MAN1A1: variants seen among roughly 807,000 people sequenced by gnomAD.
MAN1A1 encodes the protein mannosidase alpha class 1A member 1, also known as mannosyl-oligosaccharide 1,2-alpha-mannosidase IA.
In MAN1A1, 29 loss-of-function variants were observed where a neutral mutation model predicts 70.8. That is an observed-to-expected ratio of 0.41 (90% confidence interval 0.31 to 0.56). MAN1A1 has a LOEUF of 0.56. MAN1A1 is among the 20% of genes least tolerant of loss of function. The pLI, the probability that MAN1A1 is intolerant of heterozygous loss-of-function variation, is 0.29. For missense variants in MAN1A1, 747 were observed against 841.3 expected (o/e 0.89, Z 1.39); for synonymous variants, 349 against 330.1 (o/e 1.06, Z -0.62).
chr6:119,273,974 G>C (rs1410717899), intron 5 of MAN1A1, among the ~76,000 whole-genome samples: 2 of 152,148 alleles, frequency 1.3e-5, no homozygotes, highest in Non-Finnish European at 2.9e-5. Context: ...ATGAGATTGA[G>C]AACATCTGTT....
intron 2 of MAN1A1, among the ~76,000 whole-genome samples, chr6:119,309,253 A>T (rs1361713158): frequency 6.6e-6 from 1 of 152,220 alleles, no homozygotes; most frequent in Non-Finnish European, 1.5e-5. Flanking sequence ...ACATTGTGTG[A>T]GTGTGTGTGT....
chr6:119,293,534 ACAC>A (rs1250029830), intron 4 of MAN1A1, among the ~76,000 whole-genome samples: 5 of 152,044 alleles, frequency 3.3e-5, no homozygotes, highest in African/African-American at 1.2e-4. Context: ...CTGGAACATC[ACAC>A]CACCACCATC....
intron 6 of MAN1A1, among the ~76,000 whole-genome samples, chr6:119,232,964 T>C (rs1330499865): frequency 1.3e-5 from 2 of 152,196 alleles, no homozygotes; most frequent in Non-Finnish European, 2.9e-5. Flanking sequence ...AGGATTATTC[T>C]ATATAGTGCT....
chr6:119,208,885 A>G (rs187550565), intron 6 of MAN1A1, among the ~76,000 whole-genome samples: 2 of 152,230 alleles, frequency 1.3e-5, no homozygotes, highest in Admixed American at 1.3e-4. Flanking sequence ...ACTTGGGTTC[A>G]GGAGTTCGAG....
chr6:119,344,042 C>T (rs1394421640), intron 2 of MAN1A1, among the ~76,000 whole-genome samples: 3 of 152,316 alleles, frequency 2.0e-5, no homozygotes, highest in South Asian at 4.1e-4. Flanking sequence ...GTAAGTTCTT[C>T]AATGAATTCC....
intron 6 of MAN1A1, among the ~76,000 whole-genome samples, chr6:119,229,005 G>A (rs1774598845): frequency 6.6e-6 from 1 of 151,930 alleles, no homozygotes; most frequent in Non-Finnish European, 1.5e-5. Context: ...TTTCTGCAGT[G>A]GGTACTTTTT....
chr6:119,193,319 A>C (rs1203917479), intron 9 of MAN1A1, among the ~76,000 whole-genome samples: 2 of 152,122 alleles, frequency 1.3e-5, no homozygotes, highest in African/African-American at 4.8e-5. Context: ...CTGAAATATG[A>C]GTTTGTTCAG....
chr6:119,335,128 G>C (rs1169796192), intron 2 of MAN1A1, among the ~76,000 whole-genome samples: 3 of 152,186 alleles, frequency 2.0e-5, no homozygotes, highest in Admixed American at 6.5e-5. Flanking sequence ...AAAAGGGGAG[G>C]CAACAATAGA....
intron 5 of MAN1A1, among the ~76,000 whole-genome samples, chr6:119,264,714 A>G (rs1775701189): frequency 6.6e-6 from 1 of 152,232 alleles, no homozygotes; most frequent in Non-Finnish European, 1.5e-5. Flanking sequence ...TTTACACCAC[A>G]TTGAGAATCT....
At chr6:119,322,460 T>C (rs966503586) in intron 2 of MAN1A1, among the ~76,000 whole-genome samples, 2 of 152,134 alleles carry the variant, frequency 1.3e-5, no homozygotes, top group Non-Finnish European at 2.9e-5. Flanking sequence ...TGTAAAGGAA[T>C]TGTCTTCCTA....
In MAN1A1 at chr6:119,349,752, C is replaced by G. The variant is rs557015004; in HGVS notation, c.-433G>C. On this transcript the variant is annotated 5_prime_UTR_variant, in exon 1 of 13. Transcript: ENST00000368468. ...AGCACGGTACACTCCGCCGCGGCCC[C>G]GCGAGCACTAATCTCACTGCCGGTC... is the stretch of plus-strand genomic sequence containing the variant. 1.1e-5 allele frequency: 11 copies of G among 985,526 alleles called. No individual in the cohort carries two copies. Among genetic ancestry groups the G allele is most frequent in the Middle Eastern group, 5.2e-4 (1 of 1,912 alleles). 61.0% of individuals were successfully genotyped at this position (985,526 alleles called of 1,614,324 possible).
rs752318519 is a variant in MAN1A1, at chr6:119,348,755, C to A, written c.311G>T (p.Arg104Leu). The A allele has an allele frequency of 6.5e-7, 1 of 1,548,876 alleles. No homozygotes were observed. The highest frequency in any genetic ancestry group is 1.9e-5 in the Admixed American group (1 of 51,546). ...AEDAAEGRAR[R>L]REEGAPGDPE... Reference sequence around the variant, plus strand: ...GTCCCCGGGTGCCCCCTCCTCGCGGCGCCGGGCTCGCCCCTCGGCCGCGTC... The same window carrying A: ...GTCCCCGGGTGCCCCCTCCTCGCGGAGCCGGGCTCGCCCCTCGGCCGCGTC... Residue 104 changes from arginine (R) to leucine (L), a missense_variant, in exon 2 of 13, where the codon CGC becomes CTC. By Grantham distance (102) the Arg-to-Leu change is moderately radical. Coordinates refer to ENST00000368468, the MANE Select transcript of MAN1A1 (RefSeq NM_005907.4).
intron 6 of MAN1A1, among the ~76,000 whole-genome samples, chr6:119,232,132 G>T (rs1774694977): frequency 6.6e-6 from 1 of 152,072 alleles, no homozygotes; most frequent in Non-Finnish European, 1.5e-5. Flanking sequence ...CAGCACTTTG[G>T]GAGGCCGAGG....
At chr6:119,293,821 G>A (rs1772120421) in intron 4 of MAN1A1, among the ~76,000 whole-genome samples, 1 of 152,056 alleles carries the variant, frequency 6.6e-6, no homozygotes, top group African/African-American at 2.4e-5. Flanking sequence ...CTATCCTGCA[G>A]AAATCAGAAA....
intron 6 of MAN1A1, among the ~76,000 whole-genome samples, chr6:119,215,392 C>T (rs530034624): frequency 1.3e-5 from 2 of 152,008 alleles, no homozygotes; most frequent in Non-Finnish European, 2.9e-5. Context: ...TAATTAGGCC[C>T]AAAACTCTCA....
At chr6:119,204,663 A>T in intron 7 of MAN1A1, 96 bp downstream of exon 7, 1 of 1,458,588 alleles carries the variant, frequency 6.9e-7, no homozygotes, top group Non-Finnish European at 9.3e-7. Context: ...AAATTTGGTT[A>T]TTATTTCCAC....
At position 119,193,812 on chromosome 6, in the gene MAN1A1, G is replaced by C; in HGVS notation, c.1291C>G (p.Leu431Val). ...TCAAAATACATCTTCTTAGCTTCCA[G>C]ATCTGTCTTGTCAGACATTAACCAG... ...KAWLMSDKTDLEAKKMYFDAV... is the reference protein window; with the variant it reads ...KAWLMSDKTDVEAKKMYFDAV... Residue 431 changes from leucine (L) to valine (V), a missense_variant, in exon 9 of 13, where the codon CTG becomes GTG. Coordinates refer to ENST00000368468, the MANE Select transcript of MAN1A1 (RefSeq NM_005907.4). 2 of 1,613,624 alleles carry C rather than the reference G, an allele frequency of 1.2e-6. No homozygotes were observed. Among genetic ancestry groups the C allele is most frequent in the Non-Finnish European group, 1.7e-6 (2 of 1,179,702 alleles).
At chr6:119,321,974 T>A (rs565869932) in intron 2 of MAN1A1, among the ~76,000 whole-genome samples, 2 of 152,184 alleles carry the variant, frequency 1.3e-5, no homozygotes, top group South Asian at 4.2e-4. Flanking sequence ...CAGCCCTCCA[T>A]AACAGTGGCC....
chr6:119,346,425 G>A lies in MAN1A1; in HGVS notation c.603+2038C>T, dbSNP rs185218202. Among the ~76,000 whole-genome samples the A allele has an allele frequency of 3.3e-5, 5 of 152,060 alleles. No homozygotes were observed. The East Asian group carries it at 9.7e-4, about 29-fold the overall frequency. On this transcript the variant is annotated intron_variant, in intron 2 of 12. Transcript: ENST00000368468. ...TTGACTAAACACTAAAGCTAATTAT[G>A]CTGGCTCTTTTGGGTTCTCACAGCA...
Sources: allele counts gnomAD v4.1 joint callset (sites outside exome capture counted in the v4.1 genomes callset), GRCh38; gene constraint gnomAD v4.1.1; transcripts MANE v1.5; gene names NCBI Gene and HGNC (gene_info 2026-07-23, HGNC 2026-07-21).